The following NKAIN3 variants were observed in gnomAD, a reference collection of about 807,000 sequenced individuals.
NKAIN3 encodes sodium/potassium transporting ATPase interacting 3.
Under a neutral mutation model 30.2 loss-of-function variants are expected in NKAIN3, and 25 were observed. The observed-to-expected ratio is 0.83, with a 90% CI of 0.60 to 1.16. NKAIN3 has a LOEUF of 1.16. Among genes scored for constraint, NKAIN3 ranks in the 50% most tolerant of loss-of-function variants. The probability of loss-of-function intolerance (pLI) is 0.00; values close to 1 mark genes in which losing one functional copy is unlikely to be tolerated. For synonymous variants in NKAIN3, 91 were observed against 89.6 expected (o/e 1.02, Z -0.09); for missense variants, 225 against 254.1 (o/e 0.89, Z 0.78).
At chr8:62,812,487 A>C (rs886100594) in intron 4 of NKAIN3, among the ~76,000 whole-genome samples, 1 of 151,672 alleles carries the variant, frequency 6.6e-6, no homozygotes, top group African/African-American at 2.4e-5. Context: ...TCTCTTTACT[A>C]ATTTAGAACT....
chr8:62,499,365 C>T (rs901342955), intron 1 of NKAIN3, among the ~76,000 whole-genome samples: 1 of 151,908 alleles, frequency 6.6e-6, no homozygotes, highest in Non-Finnish European at 1.5e-5. Flanking sequence ...TTAGAGAGGT[C>T]TTTCACTGAA....
intron 1 of NKAIN3, among the ~76,000 whole-genome samples, chr8:62,424,932 A>C (rs1416509006): frequency 6.6e-6 from 1 of 151,918 alleles, no homozygotes; most frequent in African/African-American, 2.4e-5. Context: ...TGATGTGTAC[A>C]TACAATGAAT....
In NKAIN3 at chr8:62,967,758, A is replaced by G. The variant is rs900372478; in HGVS notation, c.*2351A>G. 3.3e-5 allele frequency among the ~76,000 whole-genome samples: 5 copies of G among 152,214 alleles called. No individual in the cohort carries two copies. The highest frequency in any genetic ancestry group is 5.9e-5 in the Non-Finnish European group (4 of 68,042). On this transcript the variant is annotated 3_prime_UTR_variant, in exon 7 of 7. Coordinates refer to ENST00000623646, the MANE Select transcript of NKAIN3 (RefSeq NM_001304533.3). ...GTAAAAAAGGATAAAATGAGTATTG[A>G]CATATTTTAAACTGTCACTTAATTA...
chr8:62,924,085 G>C (rs1235538726), intron 5 of NKAIN3, among the ~76,000 whole-genome samples: 1 of 152,094 alleles, frequency 6.6e-6, no homozygotes, highest in Non-Finnish European at 1.5e-5. Flanking sequence ...GCCTGACTAA[G>C]AATCATCTAC....
chr8:62,833,866 C>A lies in NKAIN3; in HGVS notation c.472-84587C>A, dbSNP rs541003647. 8.6e-5 allele frequency among the ~76,000 whole-genome samples: 13 copies of A among 152,022 alleles called. No homozygotes were observed. In the East Asian group the frequency reaches 2.3e-3, roughly 27 times the overall value. Reference sequence around the variant, plus strand: ...CTGATACCAAAATATGGCAAAGACACCACGAAAAAAGAAAACTACAGGTCA... The same window carrying A: ...CTGATACCAAAATATGGCAAAGACAACACGAAAAAAGAAAACTACAGGTCA... On this transcript the variant is annotated intron_variant, in intron 4 of 6. Transcript: ENST00000623646.
At chr8:62,409,294 C>T (rs1804167869) in intron 1 of NKAIN3, among the ~76,000 whole-genome samples, 1 of 152,160 alleles carries the variant, frequency 6.6e-6, no homozygotes, top group South Asian at 2.1e-4. Context: ...AAGCAGTTCT[C>T]CTTCCTCAGC....
At chr8:62,374,978 CA>C (rs1185847812) in intron 1 of NKAIN3, among the ~76,000 whole-genome samples, 13 of 152,196 alleles carry the variant, frequency 8.5e-5, no homozygotes, top group African/African-American at 3.1e-4. Context: ...TGTTGTCAAT[CA>C]TTAATTATTT....
intron 1 of NKAIN3, among the ~76,000 whole-genome samples, chr8:62,299,235 T>C (rs1813953137): frequency 6.6e-6 from 1 of 152,166 alleles, no homozygotes; most frequent in African/African-American, 2.4e-5. Context: ...GGCTAAACAC[T>C]GTGCAAAGAA....
chr8:62,711,462 A>G (rs1469799046), intron 3 of NKAIN3, among the ~76,000 whole-genome samples: 1 of 151,614 alleles, frequency 6.6e-6, no homozygotes, highest in Admixed American at 6.6e-5. Flanking sequence ...TCTTTGTTGG[A>G]TTGGGTTAAT....
intron 4 of NKAIN3, among the ~76,000 whole-genome samples, chr8:62,840,751 A>T (rs1819505883): frequency 1.3e-5 from 2 of 152,134 alleles, no homozygotes; most frequent in African/African-American, 4.8e-5. Flanking sequence ...CTCAGCCCAC[A>T]TAAAGGAAAA....
intron 4 of NKAIN3, among the ~76,000 whole-genome samples, chr8:62,847,134 G>C (rs972469497): frequency 3.9e-5 from 6 of 152,094 alleles, no homozygotes; most frequent in African/African-American, 1.4e-4. Flanking sequence ...TGTGAATGGT[G>C]CTGCAATGAA....
chr8:62,814,726 A>C (rs1363493911), intron 4 of NKAIN3, among the ~76,000 whole-genome samples: 1 of 152,122 alleles, frequency 6.6e-6, no homozygotes, highest in Admixed American at 6.5e-5. Context: ...GGACACATTC[A>C]AAGCAGTGTG....
chr8:62,757,207 A>T (rs1816481704), intron 4 of NKAIN3, among the ~76,000 whole-genome samples: 1 of 152,186 alleles, frequency 6.6e-6, no homozygotes, highest in African/African-American at 2.4e-5. Flanking sequence ...TGTCATTCAG[A>T]GGGTGGCAGA....
intron 4 of NKAIN3, among the ~76,000 whole-genome samples, chr8:62,874,374 G>C (rs1251880273): frequency 2.0e-5 from 3 of 152,020 alleles, no homozygotes; most frequent in Non-Finnish European, 4.4e-5. Flanking sequence ...AGGACCAGAT[G>C]GATTCATAGC....
chr8:62,716,786 G>T (rs1016335664), intron 3 of NKAIN3, among the ~76,000 whole-genome samples: 1 of 151,768 alleles, frequency 6.6e-6, no homozygotes. Context: ...AATAACAGCT[G>T]TCAGGAATTA....
At chr8:62,735,273 C>G (rs1228338064) in intron 3 of NKAIN3, among the ~76,000 whole-genome samples, 4 of 152,078 alleles carry the variant, frequency 2.6e-5, no homozygotes, top group African/African-American at 9.6e-5. Flanking sequence ...TAATCCCAAA[C>G]TTCTTGGATG....
chr8:62,667,359 CTG>C (rs1156863268), intron 3 of NKAIN3, among the ~76,000 whole-genome samples: 2 of 64,206 alleles, frequency 3.1e-5, no homozygotes, highest in Non-Finnish European at 6.6e-5. Flanking sequence ...ATATATATAT[CTG>C]TATATATATA....
chr8:62,918,169 G>C (rs1822164984), intron 4 of NKAIN3, among the ~76,000 whole-genome samples: 3 of 152,118 alleles, frequency 2.0e-5, no homozygotes, highest in Non-Finnish European at 4.4e-5. Context: ...AATAATCTTT[G>C]CTGATTATAA....
intron 3 of NKAIN3, among the ~76,000 whole-genome samples, chr8:62,729,011 A>AAAACAAACAACAAAACAAAAC (rs1815360798): frequency 2.8e-5 from 1 of 36,052 alleles, no homozygotes; most frequent in Non-Finnish European, 5.1e-5. Context: ...AAAACAAAAC[A>AAAACAAACAACAAAACAAAAC]AAACAAACAA....
Sources: gnomAD v4.1 joint callset for allele counts (sites outside exome capture counted in the v4.1 genomes callset) on GRCh38, gnomAD v4.1.1 for gene constraint, MANE v1.5 for transcripts, NCBI Gene and HGNC (gene_info 2026-07-23, HGNC 2026-07-21) for gene names.